Variants in ST8SIA1 observed in about 807,000 individuals in gnomAD.
The protein encoded by ST8SIA1 is alpha-N-acetylneuraminide alpha-2,8-sialyltransferase.
Under a neutral mutation model 35.9 loss-of-function variants are expected in ST8SIA1, and 16 were observed. The observed-to-expected ratio is 0.45, with a 90% CI of 0.30 to 0.68. The LOEUF is 0.68. Ranked by LOEUF, ST8SIA1 falls within the 30% of genes least tolerant of loss-of-function variation. The pLI is 0.09. For missense variants in ST8SIA1, 383 were observed against 453.6 expected (o/e 0.84, Z 1.41); for synonymous variants, 170 against 169.6 (o/e 1.00, Z -0.02).
chr12:22,226,096 T>C (rs1285680085), intron 4 of ST8SIA1, among the ~76,000 whole-genome samples: 2 of 152,224 alleles, frequency 1.3e-5, no homozygotes, highest in East Asian at 1.9e-4. Context: ...TCAGCTGTAG[T>C]GCATATTCAT....
At chr12:22,223,820 T>C (rs1591827871) in intron 4 of ST8SIA1, 1 of 1,211,924 alleles carries the variant, frequency 8.3e-7, no homozygotes, top group African/African-American at 1.6e-5. Context: ...ATGAATTATA[T>C]TCCCTGCAAT....
intron 1 of ST8SIA1, among the ~76,000 whole-genome samples, chr12:22,309,237 C>T (rs1347655660): frequency 6.6e-6 from 1 of 152,136 alleles, no homozygotes; most frequent in East Asian, 1.9e-4. Context: ...TCGCTAACTA[C>T]CATTAGCTTT....
intron 3 of ST8SIA1, among the ~76,000 whole-genome samples, chr12:22,251,866 A>G (rs1023476233): frequency 6.6e-6 from 1 of 152,226 alleles, no homozygotes; most frequent in Non-Finnish European, 1.5e-5. Context: ...CTTAAAGCAG[A>G]AAAATCATGA....
At chr12:22,245,198 A>G (rs559252752) in intron 4 of ST8SIA1, among the ~76,000 whole-genome samples, 28 of 152,216 alleles carry the variant, frequency 1.8e-4, no homozygotes, top group Non-Finnish European at 4.0e-4. Flanking sequence ...TGGAATTTCA[A>G]TGAATCTGTA....
chr12:22,269,944 T>A (rs1865892010), intron 2 of ST8SIA1, among the ~76,000 whole-genome samples: 1 of 152,206 alleles, frequency 6.6e-6, no homozygotes, highest in Non-Finnish European at 1.5e-5. Context: ...TGGACCACAT[T>A]ACAGAAATTA....
intron 2 of ST8SIA1, among the ~76,000 whole-genome samples, chr12:22,256,489 C>A (rs1865729714): frequency 6.6e-6 from 1 of 152,184 alleles, no homozygotes; most frequent in African/African-American, 2.4e-5. Flanking sequence ...ATATACACAA[C>A]TGGCATCAAA....
chr12:22,255,959 A>G (rs1865724664), intron 2 of ST8SIA1, among the ~76,000 whole-genome samples: 1 of 152,214 alleles, frequency 6.6e-6, no homozygotes, highest in East Asian at 1.9e-4. Flanking sequence ...ACTCTATTAT[A>G]ATGCTGAAGT....
At chr12:22,247,307 T>C (rs182981307) in intron 4 of ST8SIA1, among the ~76,000 whole-genome samples, 2,619 of 152,316 alleles carry the variant, frequency 0.017, 56 homozygotes, top group Admixed American at 0.068. Flanking sequence ...GTGTTCCTTC[T>C]TAAAAGTTAT....
intron 1 of ST8SIA1, among the ~76,000 whole-genome samples, chr12:22,308,675 C>A (rs1420461161): frequency 6.6e-6 from 1 of 152,046 alleles, no homozygotes; most frequent in Non-Finnish European, 1.5e-5. Flanking sequence ...CTGAAACTGC[C>A]CTCTTAAAGG....
intron 2 of ST8SIA1, among the ~76,000 whole-genome samples, chr12:22,260,548 C>T (rs1865777718): frequency 6.6e-6 from 1 of 152,250 alleles, no homozygotes; most frequent in South Asian, 2.1e-4. Flanking sequence ...CTGTTAATGG[C>T]CATCTTATTA....
chr12:22,272,394 C>A (rs2135806994), intron 2 of ST8SIA1, among the ~76,000 whole-genome samples: 1 of 152,260 alleles, frequency 6.6e-6, no homozygotes, highest in African/African-American at 2.4e-5. Flanking sequence ...CCACACCAAC[C>A]AAGGTTTAGT....
intron 2 of ST8SIA1, among the ~76,000 whole-genome samples, chr12:22,256,252 T>A (rs1865727417): frequency 6.6e-6 from 1 of 152,186 alleles, no homozygotes; most frequent in African/African-American, 2.4e-5. Flanking sequence ...GCATGTGACT[T>A]TCTTTCTGCC....
At chr12:22,208,053 T>C (rs1217326326) in intron 4 of ST8SIA1, among the ~76,000 whole-genome samples, 1 of 151,324 alleles carries the variant, frequency 6.6e-6, no homozygotes, top group African/African-American at 2.4e-5. Context: ...GGCAGAAGAA[T>C]TGCTTGAACC....
At position 22,197,629 on chromosome 12, in the gene ST8SIA1, C is replaced by CTT. The variant is rs1395598727; in HGVS notation, c.*3922_*3923insAA. On this transcript the variant is annotated 3_prime_UTR_variant, in exon 5 of 5. Coordinates refer to ENST00000396037, the MANE Select transcript of ST8SIA1 (RefSeq NM_003034.4). ...TATAACACTCTTGTAAAGCCTTTGA[C>CTT]TAATCCAAGGGTATTTTTGGCAAAT... 5.3e-5 allele frequency: 8 copies of CTT among 152,184 alleles called. No individual in the cohort carries two copies. Among genetic ancestry groups the CTT allele is most frequent in the Non-Finnish European group, 1.0e-4 (7 of 68,034 alleles). The allele number at this position is 152,184 out of a possible 1,614,324, so 9.4% of individuals were successfully genotyped here.
At position 22,200,788 on chromosome 12, in the gene ST8SIA1, T is replaced by C. The variant is rs2120599801; in HGVS notation, c.*764A>G. ...AAATGACAATGCAAACAGGCTTACATAATGCAGACCTAAAATTGGGTTTAT... is the reference window on the plus strand; with the variant it reads ...AAATGACAATGCAAACAGGCTTACACAATGCAGACCTAAAATTGGGTTTAT... On this transcript the variant is annotated 3_prime_UTR_variant, in exon 5 of 5. Coordinates refer to ENST00000396037, the MANE Select transcript of ST8SIA1 (RefSeq NM_003034.4). 1 of 152,320 alleles carries C rather than the reference T, an allele frequency of 6.6e-6. No individual in the cohort carries two copies. Among genetic ancestry groups the C allele is most frequent in the Middle Eastern group, 3.4e-3 (1 of 294 alleles). The allele number at this position is 152,320 out of a possible 1,614,324, so 9.4% of individuals were successfully genotyped here.
chr12:22,307,556 G>C (rs1242431388), intron 1 of ST8SIA1, among the ~76,000 whole-genome samples: 1 of 152,130 alleles, frequency 6.6e-6, no homozygotes, highest in Admixed American at 6.5e-5. Context: ...GGGGAGAGCA[G>C]ACACACTTCC....
chr12:22,289,000 C>T (rs1283976080), intron 1 of ST8SIA1, among the ~76,000 whole-genome samples: 1 of 152,138 alleles, frequency 6.6e-6, no homozygotes, highest in Non-Finnish European at 1.5e-5. Flanking sequence ...CCTGCCTCAG[C>T]CTCTCAAATG....
intron 1 of ST8SIA1, among the ~76,000 whole-genome samples, chr12:22,306,163 T>A (rs75337136): frequency 0.013 from 1,944 of 152,200 alleles, 50 homozygotes; most frequent in African/African-American, 0.044. Context: ...CCAATTTACA[T>A]CTTACATATG....
At position 22,239,329 on chromosome 12, in the gene ST8SIA1, C is replaced by T. The variant is rs541854756; in HGVS notation, c.584+9677G>A. Among the ~76,000 whole-genome samples the T allele has an allele frequency of 8.2e-4, 125 of 152,270 alleles. 1 individual carries two copies. The highest frequency in any genetic ancestry group is 2.9e-3 in the African/African-American group (121 of 41,562). On this transcript the variant is annotated intron_variant, in intron 4 of 4. Coordinates refer to ENST00000396037, the MANE Select transcript of ST8SIA1 (RefSeq NM_003034.4). ...ACTTCCACAATTCCACTTTAACATA[C>T]TCCTTCTCATTCTATCGTCCATGTT...
Sources: allele counts gnomAD v4.1 joint callset (sites outside exome capture counted in the v4.1 genomes callset), GRCh38; gene constraint gnomAD v4.1.1; transcripts MANE v1.5; gene names NCBI Gene and HGNC (gene_info 2026-07-23, HGNC 2026-07-21).